Variants in FMN1 observed in about 807,000 individuals in gnomAD.
FMN1 encodes the protein formin-1.
FMN1 carries 110 observed loss-of-function variants against 132.4 expected under a neutral mutation model. The ratio of observed to expected loss-of-function variants is 0.83; its 90% CI spans 0.71 to 0.97. FMN1 has a LOEUF of 0.97. FMN1 is among the 50% of genes least tolerant of loss of function. The probability of loss-of-function intolerance (pLI) is 0.00; values close to 1 mark genes in which losing one functional copy is unlikely to be tolerated. For missense variants in FMN1, 1,792 were observed against 1,705.3 expected (o/e 1.05, Z -0.90); for synonymous variants, 722 against 651.7 (o/e 1.11, Z -1.64).
rs965207191 is a variant in FMN1 at position 33,110,901 on chromosome 15, AAAG to A, written c.1868-21930_1868-21928del. On this transcript the variant is annotated intron_variant, in intron 4 of 20. Coordinates refer to ENST00000616417, the MANE Select transcript of FMN1 (RefSeq NM_001277313.2). ...CATGCAGTATATTTTTACTAACCTT[AAAG>A]AAGTTCTAAAAACAACTCCTTTACA... Among the ~76,000 whole-genome samples, 125 of 152,138 alleles carry A rather than the reference AAAG, an allele frequency of 8.2e-4. 1 individual carries two copies. Among genetic ancestry groups the A allele is most frequent in the African/African-American group, 2.9e-3 (120 of 41,446 alleles).
chr15:32,840,181 G>C (rs553961400), intron 17 of FMN1, among the ~76,000 whole-genome samples: 2 of 152,276 alleles, frequency 1.3e-5, no homozygotes, highest in East Asian at 3.9e-4. Flanking sequence ...GCCTCCTCTT[G>C]CCACTGTTGT....
At chr15:32,880,740 C>G (rs758021020) in intron 16 of FMN1, among the ~76,000 whole-genome samples, 1 of 152,126 alleles carries the variant, frequency 6.6e-6, no homozygotes, top group Non-Finnish European at 1.5e-5. Context: ...CTTCAGAATC[C>G]TGATGCATTT....
At chr15:32,892,555 G>C (rs555645412) in intron 15 of FMN1, among the ~76,000 whole-genome samples, 1 of 152,144 alleles carries the variant, frequency 6.6e-6, no homozygotes, top group African/African-American at 2.4e-5. Context: ...TTTGGTATTA[G>C]GGTGACGCTT....
chr15:33,165,791 T>G (rs74008222), intron 3 of FMN1, among the ~76,000 whole-genome samples: 1 of 152,180 alleles, frequency 6.6e-6, no homozygotes, highest in East Asian at 1.9e-4. Flanking sequence ...CTCTCATTTT[T>G]AAAGGTCTGC....
In FMN1 at chr15:33,153,057, A is replaced by C; in HGVS notation, c.1858T>G (p.Ser620Ala). ...GKTTAEPQHQ[S>A]PPGISSEGFP... ...TTAAACAGAGACTAACCTGGAGGTG[A>C]CTGGTGCTGGGGCTCAGCTGTGGTC... The change falls in exon 4 of 21, where the codon TCA becomes GCA. Residue 620 changes from serine to alanine, a missense_variant. By Grantham distance (99) the Ser-to-Ala change is moderately conservative (BLOSUM62 1). Around this residue, in one of 3 missense-constraint regions of FMN1, gnomAD observed 1,150 missense variants for 1,043.1 expected, o/e 1.10. Coordinates refer to ENST00000616417, the MANE Select transcript of FMN1 (RefSeq NM_001277313.2). 1 of 1,521,324 alleles carries C rather than the reference A, an allele frequency of 6.6e-7. No individual in the cohort carries two copies. Among genetic ancestry groups the C allele is most frequent in the Non-Finnish European group, 8.8e-7 (1 of 1,140,890 alleles). The allele number at this position is 1,521,324 out of a possible 1,614,324, so 94.2% of individuals were successfully genotyped here. A position where few individuals can be genotyped will look rare whatever the true frequency, so the allele number is the denominator to read the frequency against.
chr15:33,168,940 C>A (rs549723915), intron 3 of FMN1, among the ~76,000 whole-genome samples: 1 of 152,348 alleles, frequency 6.6e-6, no homozygotes, highest in East Asian at 1.9e-4. Context: ...ATGAACAATA[C>A]ACAGCTTCCT....
At chr15:33,032,258 G>T (rs1411515111) in intron 6 of FMN1, among the ~76,000 whole-genome samples, 3 of 152,150 alleles carry the variant, frequency 2.0e-5, no homozygotes, top group Non-Finnish European at 4.4e-5. Flanking sequence ...GTACATCATG[G>T]TTTTAATGAC....
intron 17 of FMN1, among the ~76,000 whole-genome samples, chr15:32,820,300 CTT>C (rs1567220222): frequency 6.6e-6 from 1 of 152,206 alleles, no homozygotes; most frequent in Non-Finnish European, 1.5e-5. Flanking sequence ...CAACCTGAAA[CTT>C]TGCGTTAACA....
chr15:33,117,072 T>A (rs2039956723), intron 4 of FMN1, among the ~76,000 whole-genome samples: 1 of 152,094 alleles, frequency 6.6e-6, no homozygotes, highest in Non-Finnish European at 1.5e-5. Flanking sequence ...AAATATCCTA[T>A]TTGAAATAAA....
intron 5 of FMN1, among the ~76,000 whole-genome samples, chr15:33,087,201 T>G (rs538474811): frequency 1.3e-5 from 2 of 152,328 alleles, no homozygotes; most frequent in African/African-American, 2.4e-5. Context: ...AGCCCAGTGC[T>G]TTCTAAGGAG....
chr15:33,089,455 C>T (rs1055473507), intron 4 of FMN1, among the ~76,000 whole-genome samples: 15 of 152,168 alleles, frequency 9.9e-5, no homozygotes, highest in Non-Finnish European at 2.2e-4. Flanking sequence ...GTTTGTTGAA[C>T]GAGTGAGTAG....
chr15:32,838,191 G>A (rs184783177), intron 17 of FMN1, among the ~76,000 whole-genome samples: 84 of 152,130 alleles, frequency 5.5e-4, no homozygotes, highest in Admixed American at 3.5e-3. Context: ...GGGGGTGGAG[G>A]AGATGCTGAG....
intron 9 of FMN1, among the ~76,000 whole-genome samples, chr15:32,950,903 T>G (rs1316179353): frequency 6.6e-6 from 1 of 152,056 alleles, no homozygotes; most frequent in African/African-American, 2.4e-5. Context: ...ATTCCTAACT[T>G]AATTTCATTT....
At chr15:32,996,053 TAAACTAA>T (rs2033750821) in intron 7 of FMN1, among the ~76,000 whole-genome samples, 1 of 152,120 alleles carries the variant, frequency 6.6e-6, no homozygotes, top group Non-Finnish European at 1.5e-5. Context: ...AGACTTAGAG[TAAACTAA>T]ACATGCTGCT....
chr15:33,159,330 C>T (rs942821508), intron 3 of FMN1, among the ~76,000 whole-genome samples: 2 of 151,904 alleles, frequency 1.3e-5, no homozygotes, highest in African/African-American at 2.4e-5. Context: ...GATAAATGCA[C>T]GAAGAGGAAT....
At chr15:32,853,388 T>G (rs1177138779) in intron 17 of FMN1, among the ~76,000 whole-genome samples, 1 of 152,218 alleles carries the variant, frequency 6.6e-6, no homozygotes, top group Non-Finnish European at 1.5e-5. Context: ...CTACATGTTG[T>G]GGCTTATGGC....
At chr15:33,019,632 G>T (rs1160595866) in intron 6 of FMN1, among the ~76,000 whole-genome samples, 1 of 152,194 alleles carries the variant, frequency 6.6e-6, no homozygotes, top group Non-Finnish European at 1.5e-5. Context: ...CTGCAAGGAG[G>T]CAGCTAAGCC....
At chr15:32,813,599 G>C (rs2141058300) in intron 17 of FMN1, among the ~76,000 whole-genome samples, 1 of 152,254 alleles carries the variant, frequency 6.6e-6, no homozygotes, top group East Asian at 1.9e-4. Context: ...TTGTTCCTCT[G>C]CTTCTGTGTA....
At chr15:32,964,397 CTTT>C (rs1400176140) in intron 8 of FMN1, 140 bp from the exon 9 acceptor site, 2 of 622,710 alleles carry the variant, frequency 3.2e-6, no homozygotes, top group Non-Finnish European at 5.4e-6. Context: ...TGGAGAAAAG[CTTT>C]TTATGTTACG....
Sources: gnomAD v4.1 joint callset for allele counts (sites outside exome capture counted in the v4.1 genomes callset) on GRCh38, gnomAD v4.1.1 for gene constraint, gnomAD v4.1.1 regional missense constraint, MANE v1.5 for transcripts, NCBI Gene and HGNC (gene_info 2026-07-23, HGNC 2026-07-21) for gene names.